ADGRL3: variants seen among roughly 807,000 people sequenced by gnomAD.
The protein encoded by ADGRL3 is adhesion G protein-coupled receptor L3.
A neutral mutation model predicts 153.5 loss-of-function variants in ADGRL3; 62 were observed. The observed-to-expected ratio is 0.40, with a 90% CI of 0.33 to 0.50. The LOEUF (loss-of-function observed/expected upper bound fraction) is 0.50. Among genes scored for constraint, ADGRL3 ranks in the 20% least tolerant of loss-of-function variants. The pLI is 0.47. For missense variants in ADGRL3, 1,641 were observed against 1,859.4 expected (o/e 0.88, Z 2.16); for synonymous variants, 710 against 672.5 (o/e 1.06, Z -0.86).
At chr4:61,456,183 G>T (rs2097733964) in intron 2 of ADGRL3, among the ~76,000 whole-genome samples, 1 of 151,398 alleles carries the variant, frequency 6.6e-6, no homozygotes, top group Admixed American at 6.6e-5. Context: ...ACTTTAAAAT[G>T]AGATGTAAAG....
At chr4:62,033,142 A>G (rs1320445554) in intron 23 of ADGRL3, among the ~76,000 whole-genome samples, 1 of 151,792 alleles carries the variant, frequency 6.6e-6, no homozygotes, top group Non-Finnish European at 1.5e-5. Context: ...TGAAGATTCA[A>G]ACAACCTCAA....
chr4:61,976,546 T>A (rs1000666979), intron 17 of ADGRL3, among the ~76,000 whole-genome samples: 6 of 151,530 alleles, frequency 4.0e-5, no homozygotes, highest in Non-Finnish European at 8.8e-5. Context: ...AGAAAAGGGG[T>A]CTGTAATTTT....
At chr4:61,348,458 T>C (rs2095971400) in intron 1 of ADGRL3, among the ~76,000 whole-genome samples, 1 of 151,842 alleles carries the variant, frequency 6.6e-6, no homozygotes, top group African/African-American at 2.4e-5. Flanking sequence ...CAAAGCAGAG[T>C]TGTGGGAAAA....
intron 8 of ADGRL3, among the ~76,000 whole-genome samples, chr4:61,767,193 G>A (rs1385773061): frequency 6.6e-6 from 1 of 151,982 alleles, no homozygotes; most frequent in African/African-American, 2.4e-5. Context: ...TTTGGATTGG[G>A]AAGAAGAGCA....
intron 8 of ADGRL3, among the ~76,000 whole-genome samples, chr4:61,790,172 G>A (rs1261255863): frequency 6.6e-6 from 1 of 152,100 alleles, no homozygotes; most frequent in East Asian, 1.9e-4. Flanking sequence ...CCTGCCTCAT[G>A]TATTTCATAT....
rs554181356 is a variant in ADGRL3 at position 61,528,017 on chromosome 4, T to TG, written c.259+10503dup. ...CAGTCATCTTTTAGTTCTTGGCACT[T>TG]GGGGTGTGAAGCAGTGTAATTTAGT... is the stretch of plus-strand genomic sequence containing the variant. On this transcript the variant is annotated intron_variant, in intron 4 of 26. Transcript: ENST00000683033. Among the ~76,000 whole-genome samples, 3 of 152,102 alleles carry TG rather than the reference T, an allele frequency of 2.0e-5. No individual in the cohort carries two copies. The East Asian group carries it at 5.8e-4, about 29-fold the overall frequency.
intron 1 of ADGRL3, among the ~76,000 whole-genome samples, chr4:61,363,649 TTTCAAAA>T (rs2096334071): frequency 6.6e-6 from 1 of 152,132 alleles, no homozygotes; most frequent in Non-Finnish European, 1.5e-5. Flanking sequence ...TAAATTAGGA[TTTCAAAA>T]AGGATGTACA....
At chr4:61,314,664 G>A (rs571864165) in intron 1 of ADGRL3, among the ~76,000 whole-genome samples, 2 of 152,312 alleles carry the variant, frequency 1.3e-5, no homozygotes, top group East Asian at 3.9e-4. Context: ...TTCTGGCCCA[G>A]TGATTCTCAA....
rs556500260 is a variant in ADGRL3 at position 61,565,631 on chromosome 4, G to A, written c.260-21596G>A. Among the ~76,000 whole-genome samples, 8 of 151,906 alleles carry A rather than the reference G, an allele frequency of 5.3e-5. 1 individual carries two copies. Among genetic ancestry groups the A allele is most frequent in the African/African-American group, 1.7e-4 (7 of 41,436 alleles). ...TGGCTTACTGCAACCTCTGCCTTCC[G>A]GGTTCAAGCGATTCTTCTGCCTCAG... On this transcript the variant is annotated intron_variant, in intron 4 of 26. Transcript: ENST00000683033.
At chr4:61,436,785 AG>A (rs2097451870) in intron 2 of ADGRL3, among the ~76,000 whole-genome samples, 1 of 152,088 alleles carries the variant, frequency 6.6e-6, no homozygotes, top group Non-Finnish European at 1.5e-5. Flanking sequence ...AGGTTTATAG[AG>A]GGGAACATTA....
intron 9 of ADGRL3, among the ~76,000 whole-genome samples, chr4:61,844,575 A>AAAAAATATATATATATATATATAT (rs1554045137): frequency 5.5e-5 from 1 of 18,108 alleles, no homozygotes; most frequent in Non-Finnish European, 8.4e-5. Context: ...AAAAAAAAAA[A>AAAAAATATATATATATATATATAT]ATATATATAT....
chr4:61,387,880 G>A (rs28628386), intron 2 of ADGRL3, among the ~76,000 whole-genome samples: 57,678 of 151,984 alleles, frequency 0.38, 11,156 homozygotes, highest in Non-Finnish European at 0.43. Flanking sequence ...TGGGGAAGTG[G>A]TAAGTGTCCA....
At chr4:61,245,571 C>T (rs1577965740) in intron 1 of ADGRL3, among the ~76,000 whole-genome samples, 2 of 152,162 alleles carry the variant, frequency 1.3e-5, no homozygotes, top group East Asian at 1.9e-4. Context: ...TTACTGGAGG[C>T]CATGTCCTTG....
intron 1 of ADGRL3, among the ~76,000 whole-genome samples, chr4:61,260,064 A>G (rs1309606430): frequency 6.6e-6 from 1 of 152,224 alleles, no homozygotes; most frequent in African/African-American, 2.4e-5. Context: ...GTCAAAATAT[A>G]TGATAAACAT....
intron 1 of ADGRL3, among the ~76,000 whole-genome samples, chr4:61,329,256 T>G (rs893509859): frequency 2.0e-5 from 3 of 152,112 alleles, no homozygotes; most frequent in African/African-American, 7.2e-5. Flanking sequence ...AGATTTATAA[T>G]TGAAAAAAGA....
intron 5 of ADGRL3, among the ~76,000 whole-genome samples, chr4:61,625,792 A>G (rs550074214): frequency 2.6e-5 from 4 of 152,226 alleles, no homozygotes; most frequent in Non-Finnish European, 5.9e-5. Context: ...TTCTTAAAGG[A>G]GGAATAAAGA....
chr4:61,697,869 C>G (rs2095669895), intron 6 of ADGRL3, among the ~76,000 whole-genome samples: 1 of 152,112 alleles, frequency 6.6e-6, no homozygotes, highest in Non-Finnish European at 1.5e-5. Context: ...ATATTTATCA[C>G]TTAACCAGAA....
intron 8 of ADGRL3, among the ~76,000 whole-genome samples, chr4:61,783,923 A>G (rs2097245829): frequency 6.6e-6 from 1 of 152,130 alleles, no homozygotes; most frequent in Non-Finnish European, 1.5e-5. Flanking sequence ...GTTAAACTAT[A>G]TGAAATTGCC....
At chr4:61,417,513 ACAT>A in intron 2 of ADGRL3, among the ~76,000 whole-genome samples, 1 of 151,582 alleles carries the variant, frequency 6.6e-6, no homozygotes, top group Admixed American at 6.6e-5. Context: ...AAAAAAACAA[ACAT>A]CAAACAAAAA....
Sources: allele counts gnomAD v4.1 joint callset (sites outside exome capture counted in the v4.1 genomes callset), GRCh38; gene constraint gnomAD v4.1.1; transcripts MANE v1.5; gene names NCBI Gene and HGNC (gene_info 2026-07-23, HGNC 2026-07-21).